ESR1: variants seen among roughly 807,000 people sequenced by gnomAD.
ESR1 encodes the protein estrogen receptor.
ESR1 carries 12 observed loss-of-function variants against 52.7 expected under a neutral mutation model. That is an observed-to-expected ratio of 0.23 (90% CI 0.15 to 0.37). The LOEUF (loss-of-function observed/expected upper bound fraction) is 0.37, where lower values mean the gene tolerates loss of function less well. Among genes scored for constraint, ESR1 ranks in the 10% least tolerant of loss-of-function variants. The pLI, the probability that ESR1 is intolerant of heterozygous loss-of-function variation, is 1.00. For missense variants in ESR1, 584 were observed against 779.7 expected, an observed-to-expected ratio of 0.75 and a Z score of 2.99; for synonymous variants, 305 against 316.8, an observed-to-expected ratio of 0.96 and a Z score of 0.39.
At chr6:151,767,106 C>T (rs1026328346) in intron 2 of ESR1, among the ~76,000 whole-genome samples, 1 of 152,152 alleles carries the variant, frequency 6.6e-6, no homozygotes. Flanking sequence ...ATTCTTTCAT[C>T]TGTTTCTTTT....
intron 3 of ESR1, among the ~76,000 whole-genome samples, chr6:151,925,124 T>TTTTTTTTTTTTGTTTG (rs1554285729): frequency 3.3e-5 from 5 of 150,704 alleles, no homozygotes; most frequent in South Asian, 2.2e-4. Context: ...CAGCATCTGG[T>TTTTTTTTTTTTGTTTG]TTTTTTTGTT....
chr6:151,726,078 G>T (rs1207374815), intron 2 of ESR1, among the ~76,000 whole-genome samples: 1 of 152,094 alleles, frequency 6.6e-6, no homozygotes. Context: ...GTTGTATGGT[G>T]GGGGGTACCT....
chr6:152,113,467 G>A lies in ESR1; in HGVS notation c.851-11799G>A, dbSNP rs546901226. On this transcript the variant is annotated intron_variant, in intron 6 of 6. Coordinates refer to the ESR1 transcript ENST00000427531. ...CCCACTGGCTGAGTCCTCAGTTACC[G>A]CAGGGCTGTCGAGAGTCTGAGACAG... Among the ~76,000 whole-genome samples, 57 of 152,206 alleles carry A rather than the reference G, an allele frequency of 3.7e-4. 1 individual carries two copies. The highest frequency in any genetic ancestry group is 2.3e-3 in the South Asian group (11 of 4,814).
At chr6:151,783,969 G>A (rs551436263) in intron 2 of ESR1, among the ~76,000 whole-genome samples, 122 of 152,334 alleles carry the variant, frequency 8.0e-4, no homozygotes, top group Non-Finnish European at 1.5e-3. Context: ...TATTACAGGT[G>A]TTTTGAGAGG....
chr6:151,773,106 A>C (rs1785649570), intron 2 of ESR1, among the ~76,000 whole-genome samples: 1 of 152,216 alleles, frequency 6.6e-6, no homozygotes, highest in Non-Finnish European at 1.5e-5. Flanking sequence ...AGGGTTGGCC[A>C]GTCCTTTTTA....
chr6:151,802,992 CA>C (rs34766229), upstream of ESR1, among the ~76,000 whole-genome samples: 40,082 of 120,560 alleles, frequency 0.33, 5,754 homozygotes, highest in African/African-American at 0.45. Context: ...AACTCTGTCT[CA>C]AAAAAAAAAA....
chr6:151,681,824 G>A (rs1425075858), intron 1 of ESR1, among the ~76,000 whole-genome samples: 1 of 152,028 alleles, frequency 6.6e-6, no homozygotes, highest in African/African-American at 2.4e-5. Flanking sequence ...CTGCCAAAAT[G>A]TCTTTTAAAC....
intron 2 of ESR1, among the ~76,000 whole-genome samples, chr6:151,863,753 A>G (rs983556889): frequency 4.6e-5 from 7 of 152,278 alleles, no homozygotes; most frequent in African/African-American, 9.6e-5. Flanking sequence ...CAGAAATAAT[A>G]CCACACATCT....
intron 5 of ESR1, among the ~76,000 whole-genome samples, chr6:152,029,227 A>G (rs1296795577): frequency 6.6e-6 from 1 of 152,264 alleles, no homozygotes; most frequent in African/African-American, 2.4e-5. Flanking sequence ...TCTAAAAATC[A>G]GAGCACCTCT....
At chr6:151,912,868 A>G (rs941666168) in intron 3 of ESR1, among the ~76,000 whole-genome samples, 42 of 152,212 alleles carry the variant, frequency 2.8e-4, no homozygotes, top group African/African-American at 9.6e-4. Flanking sequence ...GAGTTGAACA[A>G]TGAGAACACA....
chr6:151,725,801 A>C (rs184739142), intron 2 of ESR1, among the ~76,000 whole-genome samples: 43 of 152,270 alleles, frequency 2.8e-4, no homozygotes, highest in Admixed American at 2.6e-3. Context: ...CTAGTGGGAG[A>C]GATGAGTTGT....
At chr6:151,668,347 T>C (rs897833777) in intron 1 of ESR1, among the ~76,000 whole-genome samples, 6 of 152,056 alleles carry the variant, frequency 3.9e-5, no homozygotes, top group Non-Finnish European at 5.9e-5. Flanking sequence ...GGCTCGATCT[T>C]GGCTCACTGC....
In ESR1 at chr6:152,098,947, G is replaced by A. The variant is rs372267992; in HGVS notation, c.1769G>A (p.Gly590Asp). The A allele has an allele frequency of 5.0e-6, 8 of 1,613,876 alleles. No homozygotes were observed. Among genetic ancestry groups the A allele is most frequent in the Non-Finnish European group, 6.8e-6 (8 of 1,179,912 alleles). ...TATTACATCACGGGGGAGGCAGAGG[G>A]TTTCCCTGCCACGGTCTGAGAGCTC... is the stretch of plus-strand genomic sequence containing the variant. The part of the protein sequence containing the change: ...QKYYITGEAE[G>D]FPATV The change falls in exon 8 of 8, where the codon GGT becomes GAT. Residue 590 changes from glycine to aspartate, a missense_variant. Transcript: ENST00000206249. The surrounding 1 kb of genome is among the most constrained non-coding windows in gnomAD (Gnocchi z 5.1).
chr6:151,908,615 G>C (rs1227450154), intron 3 of ESR1, among the ~76,000 whole-genome samples: 1 of 152,062 alleles, frequency 6.6e-6, no homozygotes, highest in South Asian at 2.1e-4. Context: ...GTGGATAATT[G>C]GTGTGCATTC....
At chr6:151,788,790 A>G (rs1787253708) in intron 2 of ESR1, among the ~76,000 whole-genome samples, 1 of 152,250 alleles carries the variant, frequency 6.6e-6, no homozygotes, top group African/African-American at 2.4e-5. Flanking sequence ...GAATGAGATC[A>G]TGTCCTTTTC....
chr6:152,072,069 G>A (rs983897477), intron 6 of ESR1, among the ~76,000 whole-genome samples: 1 of 144,070 alleles, frequency 6.9e-6, no homozygotes, highest in African/African-American at 2.8e-5. Context: ...GTTATGGAGG[G>A]TAGACGGCTT....
intron 3 of ESR1, among the ~76,000 whole-genome samples, chr6:151,930,610 TTCA>T (rs2033449231): frequency 1.3e-5 from 2 of 152,202 alleles, no homozygotes; most frequent in African/African-American, 4.8e-5. Flanking sequence ...TTTACCTTAA[TTCA>T]TGCATTCTCT....
intron 3 of ESR1, among the ~76,000 whole-genome samples, chr6:151,884,424 G>A (rs1793482157): frequency 6.6e-6 from 1 of 152,112 alleles, no homozygotes; most frequent in African/African-American, 2.4e-5. Flanking sequence ...CAACCATTAG[G>A]GTTCACAACA....
intron 1 of ESR1, among the ~76,000 whole-genome samples, chr6:151,669,703 A>G (rs1361546627): frequency 6.6e-6 from 1 of 152,192 alleles, no homozygotes; most frequent in Non-Finnish European, 1.5e-5. Flanking sequence ...GAGTTCAGAA[A>G]CAGAAAGCTC....
Sources: allele counts gnomAD v4.1 joint callset (sites outside exome capture counted in the v4.1 genomes callset), GRCh38; gene constraint gnomAD v4.1.1; non-coding constraint Gnocchi (gnomAD v3.1); transcripts MANE v1.5; gene names NCBI Gene and HGNC (gene_info 2026-07-23, HGNC 2026-07-21).